The following TBX15 variants were observed in gnomAD, a reference collection of about 807,000 sequenced individuals.
TBX15 encodes the protein T-box transcription factor 15, also known as T-box transcription factor TBX15.
Under a neutral mutation model 53.9 loss-of-function variants are expected in TBX15, and 18 were observed. That is an observed-to-expected ratio of 0.33 (90% confidence interval 0.23 to 0.49). The LOEUF (loss-of-function observed/expected upper bound fraction) is 0.49, where lower values mean the gene tolerates loss of function less well. Among genes scored for constraint, TBX15 ranks in the 20% least tolerant of loss-of-function variants. TBX15 has a pLI of 0.98. For synonymous variants in TBX15, 295 were observed against 278.0 expected (o/e 1.06, Z -0.61); for missense variants, 692 against 749.5 (o/e 0.92, Z 0.90).
chr1:118,904,722 C>A (rs768057130), intron 6 of TBX15, among the ~76,000 whole-genome samples: 3 of 152,160 alleles, frequency 2.0e-5, no homozygotes, highest in Non-Finnish European at 4.4e-5. Context: ...CATGATCATA[C>A]AAAGTTGGCT....
At chr1:118,976,336 C>A (rs1423895331) in intron 1 of TBX15, among the ~76,000 whole-genome samples, 1 of 152,168 alleles carries the variant, frequency 6.6e-6, no homozygotes. Flanking sequence ...CCATGCAACA[C>A]CCACTAATCC....
rs776404850 is a variant in TBX15, at chr1:118,924,778, A to G, written c.561T>C (p.Asn187=). 4 of 1,613,936 alleles carry G rather than the reference A, an allele frequency of 2.5e-6. No homozygotes were observed. In the African/African-American group the frequency reaches 4.0e-5, roughly 16 times the overall value. Reference sequence around the variant, plus strand: ...CTCTTGGGGGCACAGGGGAATCAGCATTGCCAGCCACCATCCACTTGGAGC... The same window carrying G: ...CTCTTGGGGGCACAGGGGAATCAGCGTTGCCAGCCACCATCCACTTGGAGC... ...YHSSKWMVAG[N]ADSPVPPRVY... The change falls in exon 4 of 8, where the codon AAT becomes AAC. Residue 187 remains asparagine, a synonymous_variant. Coordinates refer to ENST00000369429, the MANE Select transcript of TBX15 (RefSeq NM_001330677.2).
At chr1:118,915,979 T>C (rs897579570) in intron 5 of TBX15, among the ~76,000 whole-genome samples, 2 of 152,170 alleles carry the variant, frequency 1.3e-5, no homozygotes, top group Non-Finnish European at 2.9e-5. Context: ...AAAAAAACAA[T>C]ATCTGTACAC....
chr1:118,924,303 A>G (rs1227878291), intron 4 of TBX15, among the ~76,000 whole-genome samples: 1 of 152,198 alleles, frequency 6.6e-6, no homozygotes, highest in Non-Finnish European at 1.5e-5. Flanking sequence ...CTCTTGTTTT[A>G]TAGCCTTGTG....
chr1:118,931,930 G>A, intron 1 of TBX15, 98 bp from the exon 2 acceptor site: 1 of 1,218,468 alleles, frequency 8.2e-7, no homozygotes, highest in Non-Finnish European at 1.2e-6. Flanking sequence ...GAAGTGGGGA[G>A]AGGGGTAAAC....
At chr1:118,889,611 A>T (rs185183594) in intron 7 of TBX15, among the ~76,000 whole-genome samples, 10 of 152,298 alleles carry the variant, frequency 6.6e-5, no homozygotes, top group African/African-American at 2.2e-4. Flanking sequence ...ATAGGGTCCA[A>T]AAAACCCAGT....
intron 7 of TBX15, among the ~76,000 whole-genome samples, chr1:118,893,585 AGGAAGGAAGGAAG>A (rs1455814468): frequency 6.2e-5 from 8 of 128,302 alleles, no homozygotes; most frequent in African/African-American, 3.7e-4. Flanking sequence ...AAAGAAAGAA[AGGAAGGAAGGAAG>A]GAAAGAAAGA....
intron 5 of TBX15, among the ~76,000 whole-genome samples, chr1:118,918,626 A>C (rs140450071): frequency 1.4e-3 from 215 of 152,244 alleles, no homozygotes; most frequent in Non-Finnish European, 2.5e-3. Context: ...TACTTTACTG[A>C]TTTTATTTCC....
intron 7 of TBX15, among the ~76,000 whole-genome samples, chr1:118,896,907 T>C (rs1454166974): frequency 6.6e-6 from 1 of 152,178 alleles, no homozygotes; most frequent in East Asian, 1.9e-4. Flanking sequence ...TCAATGGATA[T>C]TTCAAAAATA....
intron 1 of TBX15, among the ~76,000 whole-genome samples, chr1:118,985,761 A>C (rs1476660106): frequency 6.6e-6 from 1 of 152,176 alleles, no homozygotes; most frequent in Non-Finnish European, 1.5e-5. Context: ...CTGTTACATA[A>C]AGTTAGTTCT....
At chr1:118,982,458 C>A (rs751681544) in intron 1 of TBX15, among the ~76,000 whole-genome samples, 3 of 152,144 alleles carry the variant, frequency 2.0e-5, no homozygotes, top group Non-Finnish European at 4.4e-5. Context: ...AATGTTTAGG[C>A]CTTCTAAGCC....
intron 5 of TBX15, among the ~76,000 whole-genome samples, chr1:118,922,366 T>C (rs921520530): frequency 1.2e-4 from 19 of 152,192 alleles, no homozygotes; most frequent in African/African-American, 4.3e-4. Flanking sequence ...TTCTTTAAAA[T>C]TGCTTCTATG....
intron 2 of TBX15, among the ~76,000 whole-genome samples, chr1:118,928,377 G>T (rs1238157585): frequency 1.3e-5 from 2 of 151,912 alleles, no homozygotes; most frequent in African/African-American, 4.8e-5. Flanking sequence ...TTATTTAAAG[G>T]CCTCATACTT....
At position 118,987,770 on chromosome 1, in the gene TBX15, A is replaced by G. The variant is rs1657891065; in HGVS notation, c.26T>C (p.Val9Ala). 5.2e-6 allele frequency: 8 copies of G among 1,550,000 alleles called. No individual in the cohort carries two copies. The highest frequency in any genetic ancestry group is 7.0e-6 in the Non-Finnish European group (8 of 1,146,830). ...GGCATGTGCTCGCGAGCTCAGGGCG[A>G]CTGCAGATCTTCTCCTTTCACTCAT... MSERRRSA[V>A]ALSSRAHAFS... The change falls in exon 1 of 8, where the codon GTC becomes GCC. Residue 9 changes from valine (V) to alanine (A), a missense_variant. Val to Ala is a moderately conservative substitution (Grantham distance 64). Coordinates refer to ENST00000369429, the MANE Select transcript of TBX15 (RefSeq NM_001330677.2).
Position 118,899,022 on chromosome 1 carries a change from C to A in TBX15, c.1024+6G>T. On this transcript the variant is annotated splice_donor_region_variant and intron_variant, in intron 7 of 7. Coordinates refer to ENST00000369429, the MANE Select transcript of TBX15 (RefSeq NM_001330677.2). ...ACTAAGCAGAGGCCTTGCTCCAGGGCTTTACCTTGCTGCTTCTGCATGGTG... is the reference window on the plus strand; with the variant it reads ...ACTAAGCAGAGGCCTTGCTCCAGGGATTTACCTTGCTGCTTCTGCATGGTG... The A allele has an allele frequency of 1.2e-6, 2 of 1,613,390 alleles. No homozygotes were observed. The highest frequency in any genetic ancestry group is 8.5e-7 in the Non-Finnish European group (1 of 1,179,626).
chr1:118,945,687 C>A (rs368360463), intron 1 of TBX15, among the ~76,000 whole-genome samples: 4 of 152,184 alleles, frequency 2.6e-5, no homozygotes, highest in Non-Finnish European at 5.9e-5. Context: ...ATTTTCCCCC[C>A]CTACTGTTCA....
intron 1 of TBX15, among the ~76,000 whole-genome samples, chr1:118,971,079 CAG>C (rs1354721082): frequency 1.3e-5 from 2 of 152,124 alleles, no homozygotes; most frequent in Non-Finnish European, 2.9e-5. Context: ...GGGCAGAAAA[CAG>C]AGGCTGCCGT....
chr1:118,977,420 T>C (rs1409352788), intron 1 of TBX15, among the ~76,000 whole-genome samples: 1 of 152,210 alleles, frequency 6.6e-6, no homozygotes, highest in African/African-American at 2.4e-5. Context: ...AAGTGCTTCC[T>C]ATGTAACAGC....
intron 6 of TBX15, among the ~76,000 whole-genome samples, chr1:118,908,491 T>C (rs1310689035): frequency 2.0e-5 from 3 of 152,160 alleles, no homozygotes; most frequent in Admixed American, 1.3e-4. Context: ...CTGGATATTG[T>C]GCCTGACAGC....
Sources: allele counts gnomAD v4.1 joint callset (sites outside exome capture counted in the v4.1 genomes callset), GRCh38; gene constraint gnomAD v4.1.1; transcripts MANE v1.5; gene names NCBI Gene and HGNC (gene_info 2026-07-23, HGNC 2026-07-21).